The following PRKDC variants were observed in gnomAD, a reference collection of about 807,000 sequenced individuals.
The protein encoded by PRKDC is protein kinase, DNA-activated, catalytic subunit, also known as DNA-dependent protein kinase catalytic subunit.
Under a neutral mutation model 486.9 loss-of-function variants are expected in PRKDC, and 82 were observed. The ratio of observed to expected loss-of-function variants is 0.17; its 90% CI spans 0.14 to 0.20. PRKDC has a LOEUF of 0.20. Ranked by LOEUF, PRKDC falls within the 10% of genes least tolerant of loss-of-function variation. The pLI, the probability that PRKDC is intolerant of heterozygous loss-of-function variation, is 1.00. For missense variants in PRKDC, 4,504 were observed against 5,038.2 expected, an observed-to-expected ratio of 0.89 and a Z score of 3.21; for synonymous variants, 1,895 against 1,837.0, an observed-to-expected ratio of 1.03 and a Z score of -0.81.
intron 11 of PRKDC, among the ~76,000 whole-genome samples, 184 bp from the exon 12 acceptor site, chr8:47,936,701 C>A (rs2090358354): frequency 6.6e-6 from 1 of 151,956 alleles, no homozygotes; most frequent in Non-Finnish European, 1.5e-5. Flanking sequence ...ACCACAACCT[C>A]CAACTCCCAG....
Position 47,912,508 on chromosome 8 carries a change from T to C in PRKDC, c.2836A>G (p.Thr946Ala), listed in dbSNP as rs2089921512. 6.2e-7 allele frequency: 1 copy of C among 1,612,906 alleles called. No individual in the cohort carries two copies. The highest frequency in any genetic ancestry group is 8.5e-7 in the Non-Finnish European group (1 of 1,179,308). ...SMVMFMLGKA[T>A]QMPEGGQGAP... ...CCCTGTCCCCCTTCTGGCATCTGCG[T>C]GGCTTTGCCCAACATAAACATAACC... Residue 946 changes from threonine (T) to alanine (A), a missense_variant, in exon 25 of 86, where the codon ACG becomes GCG. Transcript: ENST00000314191.
intron 21 of PRKDC, among the ~76,000 whole-genome samples, chr8:47,920,424 G>A (rs1330725324): frequency 6.6e-6 from 1 of 151,680 alleles, no homozygotes; most frequent in African/African-American, 2.4e-5. Flanking sequence ...TGTGTATAAT[G>A]TTCTCCTGTA....
chr8:47,958,711 C>T (rs1392208622), intron 1 of PRKDC, among the ~76,000 whole-genome samples: 1 of 150,198 alleles, frequency 6.7e-6, no homozygotes, highest in African/African-American at 2.4e-5. Flanking sequence ...AGATAGAGTA[C>T]ATATAGGATA....
At chr8:47,790,204 T>C (rs1376084759) in intron 74 of PRKDC, among the ~76,000 whole-genome samples, 1 of 152,180 alleles carries the variant, frequency 6.6e-6, no homozygotes, top group African/African-American at 2.4e-5. Context: ...ATAAATTCAG[T>C]AAAGCTGCAG....
intron 54 of PRKDC, among the ~76,000 whole-genome samples, chr8:47,847,041 CA>C (rs2088282831): frequency 6.6e-6 from 1 of 152,136 alleles, no homozygotes; most frequent in African/African-American, 2.4e-5. Flanking sequence ...TTAGAAGAAT[CA>C]ATATTGTTAG....
At chr8:47,901,495 AT>A (rs2089682534) in intron 27 of PRKDC, among the ~76,000 whole-genome samples, 1 of 152,164 alleles carries the variant, frequency 6.6e-6, no homozygotes, top group South Asian at 2.1e-4. Flanking sequence ...ACAAAAAAAA[AT>A]AGAAAAGAAA....
intron 21 of PRKDC, among the ~76,000 whole-genome samples, chr8:47,922,753 T>A (rs1336960066): frequency 6.6e-6 from 1 of 152,174 alleles, no homozygotes; most frequent in Non-Finnish European, 1.5e-5. Context: ...GTTACTATAT[T>A]GGAAACAGAA....
chr8:47,873,471 G>A (rs2089008175), intron 40 of PRKDC, among the ~76,000 whole-genome samples: 1 of 152,048 alleles, frequency 6.6e-6, no homozygotes, highest in South Asian at 2.1e-4. Context: ...TTGCACCTGG[G>A]AGGCAGAGGT....
At chr8:47,901,836 T>C (rs2089690037) in intron 27 of PRKDC, among the ~76,000 whole-genome samples, 1 of 152,202 alleles carries the variant, frequency 6.6e-6, no homozygotes, top group Non-Finnish European at 1.5e-5. Flanking sequence ...ATATTCCTAA[T>C]AAGGAATGCT....
rs532677857 is a variant in PRKDC at position 47,798,174 on chromosome 8, T to C, written c.10458+63A>G. On this transcript the variant is annotated intron_variant, in intron 73 of 85. Coordinates refer to ENST00000314191, the MANE Select transcript of PRKDC (RefSeq NM_006904.7). Reference sequence around the variant, plus strand: ...CTGCACACACTAACGCGTTTGAATATAAATAAGCGTATCTTTAAGTTCTGT... The same window carrying C: ...CTGCACACACTAACGCGTTTGAATACAAATAAGCGTATCTTTAAGTTCTGT... The C allele has an allele frequency of 3.9e-6, 6 of 1,537,432 alleles. No homozygotes were observed. The African/African-American group carries it at 6.9e-5, about 18-fold the overall frequency.
chr8:47,796,599 TG>T (rs1554626032), intron 73 of PRKDC, among the ~76,000 whole-genome samples: 5 of 143,666 alleles, frequency 3.5e-5, no homozygotes, highest in African/African-American at 1.5e-4. Context: ...TTTTTTTTTT[TG>T]TTGTTGTTGT....
intron 42 of PRKDC, among the ~76,000 whole-genome samples, chr8:47,862,793 A>G (rs1029514158): frequency 6.6e-6 from 1 of 152,238 alleles, no homozygotes; most frequent in Non-Finnish European, 1.5e-5. Context: ...GTAAGTAAAG[A>G]GAGGGAAGGA....
intron 63 of PRKDC, among the ~76,000 whole-genome samples, chr8:47,824,679 T>C (rs902233137): frequency 3.9e-5 from 6 of 152,196 alleles, no homozygotes; most frequent in African/African-American, 1.4e-4. Context: ...CCATGTTCTA[T>C]GGACCATCTC....
intron 7 of PRKDC, among the ~76,000 whole-genome samples, 186 bp from the exon 8 acceptor site, chr8:47,944,215 CAG>C (rs1394715662): frequency 6.6e-6 from 1 of 152,092 alleles, no homozygotes; most frequent in East Asian, 1.9e-4. Flanking sequence ...TGCGAGAAAA[CAG>C]AAAGAAAATC....
At chr8:47,794,531 A>G (rs538113308) in intron 73 of PRKDC, 30 bp from the exon 74 acceptor site, 4 of 1,500,576 alleles carry the variant, frequency 2.7e-6, no homozygotes, top group Non-Finnish European at 3.7e-6. Flanking sequence ...CTTAATGCTG[A>G]GTAAAACATC....
At chr8:47,856,809 G>A (rs1253164180) in intron 49 of PRKDC, among the ~76,000 whole-genome samples, 11 of 152,212 alleles carry the variant, frequency 7.2e-5, no homozygotes, top group Admixed American at 7.2e-4. Flanking sequence ...TTCAAGGCAG[G>A]AGTCCTCAGA....
At chr8:47,854,037 C>T (rs1481461387) in intron 51 of PRKDC, 46 bp downstream of exon 51, 1 of 1,605,310 alleles carries the variant, frequency 6.2e-7, no homozygotes, top group South Asian at 1.1e-5. Context: ...TCTGTCAATC[C>T]AGTTTGGGTA....
intron 7 of PRKDC, among the ~76,000 whole-genome samples, chr8:47,950,750 A>T (rs1334943384): frequency 1.3e-5 from 2 of 152,054 alleles, no homozygotes; most frequent in African/African-American, 4.8e-5. Context: ...TTGGAGACTG[A>T]GGTGGGAGGG....
intron 11 of PRKDC, 86 bp from the exon 12 acceptor site, chr8:47,936,603 T>C: frequency 6.8e-7 from 1 of 1,475,724 alleles, no homozygotes; most frequent in South Asian, 1.3e-5. Flanking sequence ...CATGTGATTA[T>C]AAACACAAGT....
Sources: allele counts gnomAD v4.1 joint callset (sites outside exome capture counted in the v4.1 genomes callset), GRCh38; gene constraint gnomAD v4.1.1; transcripts MANE v1.5; gene names NCBI Gene and HGNC (gene_info 2026-07-23, HGNC 2026-07-21).